Variants in CLASRP observed in about 807,000 individuals in gnomAD.
CLASRP encodes CLK4-associating serine/arginine rich protein.
CLASRP carries 52 observed loss-of-function variants against 99.9 expected under a neutral mutation model. That is an observed-to-expected ratio of 0.52 (90% CI 0.42 to 0.66). The LOEUF is 0.66. CLASRP is among the 30% of genes least tolerant of loss of function. The pLI is 0.00. For synonymous variants in CLASRP, 379 were observed against 373.0 expected (o/e 1.02, Z -0.18); for missense variants, 848 against 999.2 (o/e 0.85, Z 2.04).
Position 45,064,123 on chromosome 19 carries a change from A to T in CLASRP, c.1017A>T (p.Ala339=), listed in dbSNP as rs753861116. ...ITSFGGSDEE[A]AAAAAAAAAS... The stretch of plus-strand genomic sequence containing the variant: ...GTTTTGGGGGCAGCGATGAGGAGGC[A>T]GCCGCAGCCGCTGCTGCCGCAGCAG... Residue 339 remains alanine (A), a synonymous_variant, in exon 12 of 21, where the codon GCA becomes GCT. Coordinates refer to ENST00000221455, the MANE Select transcript of CLASRP (RefSeq NM_007056.3). The T allele has an allele frequency of 3.1e-6, 5 of 1,609,830 alleles. No individual in the cohort carries two copies. The highest frequency in any genetic ancestry group is 4.2e-6 in the Non-Finnish European group (5 of 1,179,212).
At chr19:45,055,491 C>A (rs1178684714) in intron 5 of CLASRP, among the ~76,000 whole-genome samples, 1 of 152,198 alleles carries the variant, frequency 6.6e-6, no homozygotes, top group African/African-American at 2.4e-5. Flanking sequence ...AAGGGCCGTG[C>A]TACATCCCCT....
At chr19:45,052,949 C>T in intron 4 of CLASRP, 57 bp downstream of exon 4, 1 of 1,542,992 alleles carries the variant, frequency 6.5e-7, no homozygotes. Flanking sequence ...AGCCCCTGTT[C>T]TTTTCCCAGC....
At chr19:45,052,650 T>C in intron 3 of CLASRP, 141 bp from the exon 4 acceptor site, 2 of 626,440 alleles carry the variant, frequency 3.2e-6, no homozygotes, top group Non-Finnish European at 5.6e-6. Flanking sequence ...GAGCTGGGGG[T>C]TGAGGTGAGG....
At chr19:45,063,434 A>ATTTTTTTTT (rs1600110419) in intron 11 of CLASRP, among the ~76,000 whole-genome samples, 2 of 54,954 alleles carry the variant, frequency 3.6e-5, no homozygotes, top group African/African-American at 6.4e-5. Flanking sequence ...AGATCTGCTT[A>ATTTTTTTTT]TCTTTTTTTT....
chr19:45,050,559 C>T (rs530453765), intron 2 of CLASRP, among the ~76,000 whole-genome samples: 2 of 152,128 alleles, frequency 1.3e-5, no homozygotes, highest in South Asian at 4.1e-4. Context: ...TGGCGCATGC[C>T]TGTAATCCCA....
At chr19:45,068,150 G>A (rs1420381233) in intron 15 of CLASRP, 96 bp downstream of exon 15, 2 of 1,113,252 alleles carry the variant, frequency 1.8e-6, no homozygotes, top group Non-Finnish European at 2.7e-6. Context: ...CGGGTGGGCT[G>A]GGAGATCCAG....
rs1489113667 is a variant in CLASRP, at chr19:45,070,844, A to AG, written c.*1dup. ...SRSRSPHYRH[*] is the part of the protein sequence containing the mutation. ...TCCCGAAGCCCCCATTACCGACATT[A>AG]GGCAGAAGAGTGGGGGGTGGGGAGG... The change falls in exon 21 of 21, where the codon TAG becomes TAGG. Residue 675 remains the stop codon, a frameshift_variant and stop_retained_variant. Transcript: ENST00000221455. LOFTEE classifies it high-confidence loss of function. 6.8e-7 allele frequency: 1 copy of AG among 1,476,806 alleles called. No individual in the cohort carries two copies. Among genetic ancestry groups the AG allele is most frequent in the Non-Finnish European group, 9.3e-7 (1 of 1,071,598 alleles). The allele number at this position is 1,476,806 out of a possible 1,614,324, so 91.5% of individuals were successfully genotyped here.
rs1328699598 is a variant in CLASRP at position 45,069,127 on chromosome 19, G to C, written c.1827+3G>C. ...TCCAGCAGGAGCATGAGCGGCAGGT[G>C]AAGTGGGAAAGGGAGGGCTGGGGTG... On this transcript the variant is annotated splice_donor_region_variant and intron_variant, in intron 17 of 20. Coordinates refer to ENST00000221455, the MANE Select transcript of CLASRP (RefSeq NM_007056.3). The C allele has an allele frequency of 1.2e-6, 2 of 1,614,040 alleles. No homozygotes were observed. The highest frequency in any genetic ancestry group is 2.7e-5 in the African/African-American group (2 of 74,944).
chr19:45,062,135 C>T lies in CLASRP; in HGVS notation c.864-19C>T, dbSNP rs745639921. The T allele has an allele frequency of 4.4e-5, 63 of 1,446,196 alleles. No homozygotes were observed. Among genetic ancestry groups the T allele is most frequent in the Non-Finnish European group, 5.8e-5 (60 of 1,027,996 alleles). 89.6% of individuals were successfully genotyped at this position (1,446,196 alleles called of 1,614,324 possible). On this transcript the variant is annotated intron_variant, in intron 10 of 20. Transcript: ENST00000221455. ...GATCTTAAGCCCTAATTTGTCCCACCCCATTCTTTTCTCTGTAGCTATGCC... is the reference window on the plus strand; with the variant it reads ...GATCTTAAGCCCTAATTTGTCCCACTCCATTCTTTTCTCTGTAGCTATGCC...
In CLASRP at chr19:45,067,552, C is replaced by G. The variant is rs1421532643; in HGVS notation, c.1625C>G (p.Thr542Ser). ...PSPSPAREKL[T>S]RPAASPAVGE... ...CCATCACCCGCAAGAGAGAAGCTGA[C>G]CAGGCCGGCCGCGTCCCCTGCTGTG... is the stretch of plus-strand genomic sequence containing the variant. Residue 542 changes from threonine (T) to serine (S), a missense_variant, in exon 14 of 21, where the codon ACC (threonine) becomes AGC (serine). Transcript: ENST00000221455. This position sits in a 1 kb window ranked among gnomAD's most constrained non-coding sequence, Gnocchi z 4.9. 1.2e-6 allele frequency: 2 copies of G among 1,605,506 alleles called. No individual in the cohort carries two copies. Among genetic ancestry groups the G allele is most frequent in the Non-Finnish European group, 1.7e-6 (2 of 1,178,822 alleles).
At chr19:45,052,040 G>T in intron 2 of CLASRP, 31 bp from the exon 3 acceptor site, 1 of 1,579,638 alleles carries the variant, frequency 6.3e-7, no homozygotes. Flanking sequence ...GCTCTGTTGG[G>T]TGGTGACCTC....
chr19:45,061,949 T>C (rs1298884597), intron 10 of CLASRP, among the ~76,000 whole-genome samples: 1 of 150,100 alleles, frequency 6.7e-6, no homozygotes, highest in East Asian at 2.0e-4. Flanking sequence ...TAGGACATTG[T>C]AGGGTGGGGC....
rs1240577932 is a variant in CLASRP at position 45,070,032 on chromosome 19, C to T, written c.1885C>T (p.Arg629Cys). The change falls in exon 19 of 21, where the codon CGC becomes TGC. Residue 629 changes from arginine (R) to cysteine (C), a missense_variant. By Grantham distance (180) the Arg-to-Cys change is radical. This residue lies in a region of CLASRP where 116 missense variants were observed against 162.7 expected (regional missense o/e 0.71). Coordinates refer to ENST00000221455, the MANE Select transcript of CLASRP (RefSeq NM_007056.3). ...GCCATGCCTTCGCAGGGAGCGGGAA[C>T]GCCGAGAGAAGGAGAGAGAAGAGTG... ...ARKIRMKERE[R>C]REKEREEWER... The T allele has an allele frequency of 1.3e-5, 21 of 1,601,112 alleles. No individual in the cohort carries two copies. Among genetic ancestry groups the T allele is most frequent in the Non-Finnish European group, 1.6e-5 (19 of 1,168,294 alleles).
chr19:45,056,415 A>G lies in CLASRP; in HGVS notation c.380-35A>G, dbSNP rs371586386. 16 of 1,594,500 alleles carry G rather than the reference A, an allele frequency of 1.0e-5. No homozygotes were observed. In the African/African-American group the frequency reaches 1.6e-4, roughly 16 times the overall value. On this transcript the variant is annotated intron_variant, in intron 5 of 20. Coordinates refer to ENST00000221455, the MANE Select transcript of CLASRP (RefSeq NM_007056.3). ...CCCCACTGAATTCCTAGTGTCCCCA[A>G]CCCACTCTGACCTGGGGTCTCTTGT...
chr19:45,064,143 C>T lies in CLASRP; in HGVS notation c.1037C>T (p.Ala346Val), dbSNP rs1967010618. 1.2e-6 allele frequency: 2 copies of T among 1,611,504 alleles called. No individual in the cohort carries two copies. The highest frequency in any genetic ancestry group is 2.2e-5 in the East Asian group (1 of 44,808). Reference protein sequence around the residue: ...DEEAAAAAAAAAASGVTTGKP... With the variant: ...DEEAAAAAAAVAASGVTTGKP... ...GAGGCAGCCGCAGCCGCTGCTGCCG[C>T]AGCAGCATCAGGAGTCACCACAGGG... Residue 346 changes from alanine to valine, a missense_variant, in exon 12 of 21, where the codon GCA becomes GTA. Transcript: ENST00000221455.
chr19:45,068,962 C>G, intron 16 of CLASRP, 104 bp from the exon 17 acceptor site: 1 of 1,098,230 alleles, frequency 9.1e-7, no homozygotes, highest in Non-Finnish European at 1.3e-6. Context: ...TGCACTCCAG[C>G]CTGGGCGACA....
At chr19:45,044,642 G>A (rs543369954) in intron 2 of CLASRP, among the ~76,000 whole-genome samples, 72 of 152,234 alleles carry the variant, frequency 4.7e-4, no homozygotes, top group African/African-American at 1.1e-3. Context: ...GGTGGCATGC[G>A]CCTGTGGTCC....
At position 45,059,351 on chromosome 19, in the gene CLASRP, G is replaced by A. The variant is rs1966888130; in HGVS notation, c.697G>A (p.Gly233Ser). The A allele has an allele frequency of 3.8e-6, 6 of 1,591,830 alleles. No homozygotes were observed. The highest frequency in any genetic ancestry group is 2.3e-5 in the South Asian group (2 of 87,754). The part of the protein sequence containing the change: ...KQATTYGMAD[G>S]DFVRMLRKDK... ...GGCCACGACTTATGGCATGGCCGAC[G>A]GTGACTTCGTCAGGTGAGGCCTGCC... The change falls in exon 8 of 21, where the codon GGT becomes AGT. Residue 233 changes from glycine to serine, a missense_variant. Gly to Ser is a moderately conservative substitution (Grantham distance 56). Transcript: ENST00000221455.
At chr19:45,069,384 G>A in intron 18 of CLASRP, 136 bp downstream of exon 18, 2 of 876,872 alleles carry the variant, frequency 2.3e-6, no homozygotes, top group Non-Finnish European at 3.6e-6. Flanking sequence ...TGGCCCTCGG[G>A]GCTGTGCCCA....
Sources: allele counts gnomAD v4.1 joint callset (sites outside exome capture counted in the v4.1 genomes callset), GRCh38; gene constraint gnomAD v4.1.1; regional missense constraint gnomAD v4.1.1; non-coding constraint Gnocchi (gnomAD v3.1); transcripts MANE v1.5; gene names NCBI Gene and HGNC (gene_info 2026-07-23, HGNC 2026-07-21).